Variants in DNM3 observed in about 807,000 individuals in gnomAD.
DNM3 encodes the protein dynamin 3, also known as dynamin-3.
A neutral mutation model predicts 101.6 loss-of-function variants in DNM3; 47 were observed. That is an observed-to-expected ratio of 0.46 (90% CI 0.37 to 0.59). The LOEUF (loss-of-function observed/expected upper bound fraction) is 0.59, where lower values mean the gene tolerates loss of function less well. Ranked by LOEUF, DNM3 falls within the 20% of genes least tolerant of loss-of-function variation. The pLI is 0.00. For synonymous variants in DNM3, 385 were observed against 387.9 expected, an observed-to-expected ratio of 0.99 and a Z score of 0.09; for missense variants, 849 against 1,085.7, an observed-to-expected ratio of 0.78 and a Z score of 3.06.
chr1:172,223,676 A>G (rs2060997538), intron 14 of DNM3, among the ~76,000 whole-genome samples: 1 of 152,022 alleles, frequency 6.6e-6, no homozygotes, highest in Non-Finnish European at 1.5e-5. Context: ...CCATCATTCA[A>G]TCTCTGTTTT....
intron 14 of DNM3, among the ~76,000 whole-genome samples, chr1:172,174,679 A>C (rs931099539): frequency 3.3e-5 from 5 of 151,684 alleles, no homozygotes; most frequent in African/African-American, 1.2e-4. Flanking sequence ...ATGTGTTAGT[A>C]ATGATGTCTA....
intron 2 of DNM3, among the ~76,000 whole-genome samples, chr1:171,969,656 A>G (rs74123819): frequency 0.014 from 2,149 of 152,258 alleles, 51 homozygotes; most frequent in African/African-American, 0.049. Flanking sequence ...GTCTCTCCCA[A>G]TGTGCTTCAG....
intron 14 of DNM3, among the ~76,000 whole-genome samples, chr1:172,246,652 G>C (rs1182871633): frequency 6.6e-6 from 1 of 152,138 alleles, no homozygotes; most frequent in African/African-American, 2.4e-5. Context: ...CTGGGAAGCA[G>C]GAATCCCATG....
At chr1:172,282,523 T>A (rs567638575) in intron 15 of DNM3, among the ~76,000 whole-genome samples, 1 of 152,260 alleles carries the variant, frequency 6.6e-6, no homozygotes, top group Non-Finnish European at 1.5e-5. Context: ...ATTCCTTCCA[T>A]CACATCATAC....
At chr1:172,313,330 C>T (rs1201157449) in intron 16 of DNM3, among the ~76,000 whole-genome samples, 2 of 152,148 alleles carry the variant, frequency 1.3e-5, no homozygotes, top group East Asian at 1.9e-4. Flanking sequence ...TATGATTAGA[C>T]AACTTTTAAA....
Position 172,239,798 on chromosome 1 carries a change from C to CTTTTTTTTT in DNM3, c.1660-13774_1660-13773insTTTTTTTTT, listed in dbSNP as rs369238528. 3.9e-3 allele frequency among the ~76,000 whole-genome samples: 414 copies of CTTTTTTTTT among 106,816 alleles called. 29 individuals carry two copies. The highest frequency in any genetic ancestry group is 4.7e-3 in the South Asian group (15 of 3,168). The allele number at this position is 106,816 out of a possible 152,430, so 70.1% of individuals were successfully genotyped here. On this transcript the variant is annotated intron_variant, in intron 14 of 20. Transcript: ENST00000627582. Reference sequence around the variant, plus strand: ...TTTCTCCAGCCCTGTCTTTTTTTTTCTCTTTTTTTTTTTTTTTTTTTTGTA... The same window carrying CTTTTTTTTT: ...TTTCTCCAGCCCTGTCTTTTTTTTTCTTTTTTTTTTCTTTTTTTTTTTTTTTTTTTTGTA...
At chr1:172,203,936 A>C (rs10911278) in intron 14 of DNM3, among the ~76,000 whole-genome samples, 15,233 of 152,224 alleles carry the variant, frequency 0.1, 990 homozygotes, top group African/African-American at 0.17. Flanking sequence ...ATAAAACTGT[A>C]TGCCACATTT....
chr1:172,133,883 C>A (rs1041581365), intron 14 of DNM3, among the ~76,000 whole-genome samples: 22 of 152,048 alleles, frequency 1.4e-4, no homozygotes, highest in African/African-American at 5.3e-4. Context: ...ATCAGAGGTA[C>A]CAGTAGATGG....
At chr1:172,343,504 G>C (rs774541538) in intron 17 of DNM3, among the ~76,000 whole-genome samples, 1 of 152,134 alleles carries the variant, frequency 6.6e-6, no homozygotes, top group Non-Finnish European at 1.5e-5. Context: ...GTCTTGTGGG[G>C]CATACTTAGA....
chr1:172,333,902 T>C (rs984593839), intron 17 of DNM3, among the ~76,000 whole-genome samples: 1 of 152,198 alleles, frequency 6.6e-6, no homozygotes, highest in Non-Finnish European at 1.5e-5. Flanking sequence ...AAGTTCTGAT[T>C]GAGACATTTT....
At chr1:172,149,976 A>C (rs1342245001) in intron 14 of DNM3, among the ~76,000 whole-genome samples, 1 of 152,144 alleles carries the variant, frequency 6.6e-6, no homozygotes, top group East Asian at 1.9e-4. Flanking sequence ...AGAAGCTCTA[A>C]GTCTTTAAGT....
chr1:172,186,601 T>A (rs2059534242), intron 14 of DNM3, among the ~76,000 whole-genome samples: 1 of 152,068 alleles, frequency 6.6e-6, no homozygotes, highest in Non-Finnish European at 1.5e-5. Flanking sequence ...TCTGCCTCTT[T>A]TGATACAAAG....
At chr1:172,192,428 A>G (rs917148672) in intron 14 of DNM3, among the ~76,000 whole-genome samples, 2 of 149,990 alleles carry the variant, frequency 1.3e-5, no homozygotes, top group African/African-American at 4.9e-5. Flanking sequence ...CACATTGTGC[A>G]GGTTAGTTAC....
At chr1:171,869,668 C>G (rs538054230) in intron 1 of DNM3, among the ~76,000 whole-genome samples, 1 of 152,278 alleles carries the variant, frequency 6.6e-6, no homozygotes, top group African/African-American at 2.4e-5. Context: ...ATCATTAGTT[C>G]TCACTGACAT....
chr1:172,284,346 GA>G (rs756845158), intron 15 of DNM3, among the ~76,000 whole-genome samples: 2 of 152,130 alleles, frequency 1.3e-5, no homozygotes, highest in Non-Finnish European at 2.9e-5. Context: ...GTTTTTAGGG[GA>G]AAGAGGAAAA....
At chr1:172,063,400 C>A (rs1270314388) in intron 10 of DNM3, among the ~76,000 whole-genome samples, 2 of 151,406 alleles carry the variant, frequency 1.3e-5, no homozygotes. Flanking sequence ...AAATGTGATC[C>A]ATACTGAAAT....
At chr1:172,150,833 G>A (rs1196488215) in intron 14 of DNM3, among the ~76,000 whole-genome samples, 2 of 152,198 alleles carry the variant, frequency 1.3e-5, no homozygotes, top group Non-Finnish European at 2.9e-5. Flanking sequence ...TATGCAGGTA[G>A]GGCTGCTGCG....
intron 17 of DNM3, chr1:172,338,885 G>A (rs1056978448): frequency 3.6e-5 from 16 of 443,370 alleles, no homozygotes; most frequent in Non-Finnish European, 5.9e-5. Flanking sequence ...CTTGACACAC[G>A]TAAATAGTAG....
At chr1:172,311,965 C>T (rs2065101223) in intron 16 of DNM3, among the ~76,000 whole-genome samples, 1 of 152,190 alleles carries the variant, frequency 6.6e-6, no homozygotes, top group African/African-American at 2.4e-5. Context: ...ATTTGCATTT[C>T]TTATGCACCA....
Sources: allele counts gnomAD v4.1 joint callset (sites outside exome capture counted in the v4.1 genomes callset), GRCh38; gene constraint gnomAD v4.1.1; transcripts MANE v1.5; gene names NCBI Gene and HGNC (gene_info 2026-07-23, HGNC 2026-07-21).